PPP6R2: variants seen among roughly 807,000 people sequenced by gnomAD.
PPP6R2 encodes the protein serine/threonine-protein phosphatase 6 regulatory subunit 2.
In PPP6R2, 62 loss-of-function variants were observed where a neutral mutation model predicts 100.2. The ratio of observed to expected loss-of-function variants is 0.62; its 90% confidence interval spans 0.50 to 0.76. The LOEUF is 0.76. Among genes scored for constraint, PPP6R2 ranks in the 30% least tolerant of loss-of-function variants. PPP6R2 has a pLI of 0.00. For missense variants in PPP6R2, 1,142 were observed against 1,276.3 expected, an observed-to-expected ratio of 0.89 and a Z score of 1.60; for synonymous variants, 525 against 514.7, an observed-to-expected ratio of 1.02 and a Z score of -0.27.
intron 10 of PPP6R2, among the ~76,000 whole-genome samples, chr22:50,427,053 G>A (rs1212603900): frequency 6.6e-6 from 1 of 151,644 alleles, no homozygotes; most frequent in African/African-American, 2.4e-5. Flanking sequence ...GCTGGGTGTG[G>A]TGGCATGTGC....
intron 1 of PPP6R2, among the ~76,000 whole-genome samples, chr22:50,355,993 C>G (rs1420426126): frequency 6.9e-6 from 1 of 145,410 alleles, no homozygotes; most frequent in African/African-American, 2.6e-5. Flanking sequence ...GACGGAGTCT[C>G]GCTCTGTCAC....
upstream of PPP6R2, among the ~76,000 whole-genome samples, chr22:50,342,271 A>G (rs1046623319): frequency 6.6e-6 from 1 of 152,112 alleles, no homozygotes; most frequent in Non-Finnish European, 1.5e-5. Context: ...TTTCACCCCC[A>G]CTTCCTGGAA....
Position 50,360,310 on chromosome 22 carries a change from CAAAG to C in PPP6R2, c.-147-11709_-147-11706del, listed in dbSNP as rs773175436. Among the ~76,000 whole-genome samples the C allele has an allele frequency of 7.4e-3, 1,123 of 151,586 alleles. 8 individuals are homozygous for C. The highest frequency in any genetic ancestry group is 9.8e-3 in the Non-Finnish European group (668 of 67,948). Reference sequence around the variant, plus strand: ...TCATGATCTGCCTGCCTTGGCCTCCCAAAGTGCTGGGATTATAGGCGTGAGCCAC... The same window carrying C: ...TCATGATCTGCCTGCCTTGGCCTCCCTGCTGGGATTATAGGCGTGAGCCAC... On this transcript the variant is annotated intron_variant, in intron 1 of 23. Transcript: ENST00000612753.
At chr22:50,434,782 G>A (rs573074576) in intron 12 of PPP6R2, among the ~76,000 whole-genome samples, 184 bp from the exon 13 acceptor site, 1 of 137,808 alleles carries the variant, frequency 7.3e-6, no homozygotes, top group East Asian at 2.0e-4. Context: ...TGGATGCTGG[G>A]CAGGGGCCGG....
At chr22:50,374,879 G>A (rs891959630) in intron 2 of PPP6R2, among the ~76,000 whole-genome samples, 10 of 130,578 alleles carry the variant, frequency 7.7e-5, no homozygotes, top group South Asian at 2.5e-4. Context: ...ACGCTACTGC[G>A]CTCCAGCCTG....
chr22:50,339,320 AGTGTGTGTG>A (rs1344541238), upstream of PPP6R2, among the ~76,000 whole-genome samples: 3 of 91,756 alleles, frequency 3.3e-5, no homozygotes, highest in Admixed American at 1.2e-4. Flanking sequence ...TTGTGGGTGT[AGTGTGTGTG>A]GTGTGTGTGG....
Position 50,440,039 on chromosome 22 carries a change from T to C in PPP6R2, c.2364T>C (p.Pro788=). ...SHAEGSRSQG[P]EKAFSPASPC... is the part of the protein sequence containing the mutation. ...CTGAGGGCAGCCGGAGCCAAGGCCC[T>C]GAGAAAGCCTGTGAGTAGGAGCAGT... Residue 788 remains proline, a synonymous_variant, in exon 21 of 24, where the codon CCT becomes CCC. Coordinates refer to ENST00000612753, the MANE Select transcript of PPP6R2 (RefSeq NM_001242898.2). 1 of 1,612,550 alleles carries C rather than the reference T, an allele frequency of 6.2e-7. No individual in the cohort carries two copies. The highest frequency in any genetic ancestry group is 8.5e-7 in the Non-Finnish European group (1 of 1,179,432).
intron 1 of PPP6R2, among the ~76,000 whole-genome samples, chr22:50,350,412 A>G (rs1440592655): frequency 1.3e-5 from 2 of 151,338 alleles, no homozygotes; most frequent in Admixed American, 6.6e-5. Context: ...TGCATTTTCT[A>G]TAAAGATGGG....
the PPP6R2 span, among the ~76,000 whole-genome samples, chr22:50,337,999 G>A: frequency 6.9e-6 from 1 of 144,424 alleles, no homozygotes; most frequent in East Asian, 2.2e-4. Flanking sequence ...TGTATGTTGT[G>A]TGGGTATAGT....
chr22:50,363,138 CAT>C (rs891525856), intron 1 of PPP6R2, among the ~76,000 whole-genome samples: 32 of 152,354 alleles, frequency 2.1e-4, no homozygotes, highest in African/African-American at 7.7e-4. Context: ...TAGAAGCAGA[CAT>C]GTGCTGGTGC....
At chr22:50,425,901 G>A (rs566586060) in intron 10 of PPP6R2, among the ~76,000 whole-genome samples, 1 of 146,788 alleles carries the variant, frequency 6.8e-6, no homozygotes, top group Non-Finnish European at 1.5e-5. Flanking sequence ...TTTAGTTTTA[G>A]AAGTTCTATA....
rs1027410282 is a variant in PPP6R2 at position 50,423,713 on chromosome 22, C to G, written c.1125+99C>G. On this transcript the variant is annotated intron_variant, in intron 10 of 23. Coordinates refer to ENST00000612753, the MANE Select transcript of PPP6R2 (RefSeq NM_001242898.2). The surrounding 1 kb of genome is among the most constrained non-coding windows in gnomAD (Gnocchi z 4.8). The stretch of plus-strand genomic sequence containing the variant: ...GCAGAGCAGGGCCCCAGCATTTGGA[C>G]AAAGCTCTGCCACGGGGAGGTTCCA... The G allele has an allele frequency of 5.5e-6, 8 of 1,443,408 alleles. No homozygotes were observed. Among genetic ancestry groups the G allele is most frequent in the Non-Finnish European group, 6.6e-6 (7 of 1,056,152 alleles). The allele number at this position is 1,443,408 out of a possible 1,614,324, so 89.4% of individuals were successfully genotyped here. A position where few individuals can be genotyped will look rare whatever the true frequency, so the allele number is the denominator to read the frequency against.
chr22:50,340,634 A>G (rs2042362651), upstream of PPP6R2, among the ~76,000 whole-genome samples: 1 of 150,546 alleles, frequency 6.6e-6, no homozygotes, highest in Non-Finnish European at 1.5e-5. Context: ...GTGAGTTGAA[A>G]CAGTGACCAG....
upstream of PPP6R2, among the ~76,000 whole-genome samples, chr22:50,339,903 GTGTGGTA>G (rs1239536217): frequency 1.5e-5 from 2 of 136,488 alleles, no homozygotes; most frequent in African/African-American, 2.7e-5. Flanking sequence ...TGTGTGGTGT[GTGTGGTA>G]TGTGGTGTGT....
At chr22:50,405,742 C>A (rs969635458) in intron 3 of PPP6R2, among the ~76,000 whole-genome samples, 2 of 134,062 alleles carry the variant, frequency 1.5e-5, no homozygotes, top group Admixed American at 7.3e-5. Flanking sequence ...AGGTAAGAGG[C>A]CTGGCAGGTG....
chr22:50,438,669 G>C lies in PPP6R2; in HGVS notation c.2035G>C (p.Ala679Pro). ...AGAGCGTGGAGGCCAGGATGGGAAG[G>C]CGAGCTTGGAAGCACACAGAGATGC... is the stretch of plus-strand genomic sequence containing the variant. ...GPERGGQDGK[A>P]SLEAHRDAPG... Residue 679 changes from alanine (A) to proline (P), a missense_variant, in exon 19 of 24, where the codon GCG becomes CCG. By Grantham distance (27) the Ala-to-Pro change is conservative. This residue lies in a region of PPP6R2 where 550 missense variants were observed against 517.4 expected (regional missense o/e 1.06). Transcript: ENST00000612753. 1.2e-6 allele frequency: 2 copies of C among 1,614,040 alleles called. No homozygotes were observed. The highest frequency in any genetic ancestry group is 2.2e-5 in the South Asian group (2 of 91,088).
rs2066615467 is a variant in PPP6R2, at chr22:50,444,535, T to TGGGGGC, written c.*293_*294insCGGGGG. 1 of 66,972 alleles carries TGGGGGC rather than the reference T, an allele frequency of 1.5e-5. No individual in the cohort carries two copies. The highest frequency in any genetic ancestry group is 1.4e-4 in the African/African-American group (1 of 7,248). The allele number at this position is 66,972 out of a possible 1,614,324, so 4.1% of individuals were successfully genotyped here. ...CGGCCTGCAGGAGCCGGGGTGGGGG[T>TGGGGGC]GGGGGTGGGGGGGGCAGGACCCTGA... On this transcript the variant is annotated 3_prime_UTR_variant, in exon 24 of 24. Coordinates refer to ENST00000612753, the MANE Select transcript of PPP6R2 (RefSeq NM_001242898.2).
upstream of PPP6R2, among the ~76,000 whole-genome samples, chr22:50,339,629 G>A (rs2042346753): frequency 7.3e-6 from 1 of 136,084 alleles, no homozygotes; most frequent in African/African-American, 2.8e-5. Flanking sequence ...TGTAGTGTGT[G>A]TTATGTGGTG....
intron 4 of PPP6R2, among the ~76,000 whole-genome samples, chr22:50,410,691 A>G (rs1454931600): frequency 6.6e-6 from 1 of 152,106 alleles, no homozygotes; most frequent in African/African-American, 2.4e-5. Context: ...ATAATGATCA[A>G]TGTATCATAT....
Sources: allele counts gnomAD v4.1 joint callset (sites outside exome capture counted in the v4.1 genomes callset), GRCh38; gene constraint gnomAD v4.1.1; regional missense constraint gnomAD v4.1.1; non-coding constraint Gnocchi (gnomAD v3.1); transcripts MANE v1.5; gene names NCBI Gene and HGNC (gene_info 2026-07-23, HGNC 2026-07-21).